The following RARB variants were observed in gnomAD, a reference collection of about 807,000 sequenced individuals.
RARB encodes the protein HBV-activated protein.
Under a neutral mutation model 51.9 loss-of-function variants are expected in RARB, and 17 were observed. The observed-to-expected ratio is 0.33, with a 90% CI of 0.22 to 0.49. RARB has a LOEUF of 0.49. Ranked by LOEUF, RARB falls within the 20% of genes least tolerant of loss-of-function variation. The probability of loss-of-function intolerance (pLI) is 0.99; values close to 1 mark genes in which losing one functional copy is unlikely to be tolerated. For synonymous variants in RARB, 215 were observed against 195.4 expected (o/e 1.10, Z -0.84); for missense variants, 369 against 550.8 (o/e 0.67, Z 3.30).
At chr3:25,229,105 A>C (rs1272331560) in intron 5 of RARB, among the ~76,000 whole-genome samples, 1 of 152,096 alleles carries the variant, frequency 6.6e-6, no homozygotes, top group Non-Finnish European at 1.5e-5. Flanking sequence ...AAAGATCTAT[A>C]TCCTGCCAGA....
chr3:25,593,165 CT>C lies in RARB; in HGVS notation c.787-325del, dbSNP rs200612408. Among the ~76,000 whole-genome samples, 1,029 of 144,520 alleles carry C rather than the reference CT, an allele frequency of 7.1e-3. 1 individual carries two copies. The highest frequency in any genetic ancestry group is 0.018 in the Middle Eastern group (5 of 280). The allele number at this position is 144,520 out of a possible 152,430, so 94.8% of individuals were successfully genotyped here. A position where few individuals can be genotyped will look rare whatever the true frequency, so the allele number is the denominator to read the frequency against. On this transcript the variant is annotated intron_variant, in intron 5 of 7. Coordinates refer to ENST00000330688, the MANE Select transcript of RARB (RefSeq NM_000965.5). ...TCTTAAAAAATAGAATCTTATTCAT[CT>C]TTTTTTTTTTTTATCTCCAGCACCT...
chr3:24,984,959 T>G (rs1696755718), intron 2 of RARB, among the ~76,000 whole-genome samples: 1 of 152,206 alleles, frequency 6.6e-6, no homozygotes, highest in Non-Finnish European at 1.5e-5. Context: ...CACTTCTCCC[T>G]CCTGAAGCTC....
intron 4 of RARB, among the ~76,000 whole-genome samples, chr3:25,142,781 C>A (rs759250759): frequency 6.6e-6 from 1 of 152,064 alleles, no homozygotes; most frequent in Non-Finnish European, 1.5e-5. Flanking sequence ...GGGCTGCAAT[C>A]TATAGCTGGC....
chr3:25,111,172 T>C (rs1699595032), intron 3 of RARB, among the ~76,000 whole-genome samples: 1 of 152,226 alleles, frequency 6.6e-6, no homozygotes, highest in Non-Finnish European at 1.5e-5. Flanking sequence ...TAATCAATCC[T>C]AATACTATTT....
intron 5 of RARB, among the ~76,000 whole-genome samples, chr3:25,184,729 A>T (rs889154347): frequency 2.0e-5 from 3 of 152,106 alleles, no homozygotes; most frequent in Admixed American, 6.5e-5. Context: ...TAACAGTGTT[A>T]CAAGAGTAAA....
intron 4 of RARB, among the ~76,000 whole-genome samples, chr3:25,151,521 T>C (rs1700286126): frequency 1.3e-5 from 2 of 152,206 alleles, no homozygotes; most frequent in African/African-American, 4.8e-5. Flanking sequence ...CTTTGATGCA[T>C]AAGGGTACAC....
At chr3:24,854,401 T>C (rs1702606571) in intron 1 of RARB, among the ~76,000 whole-genome samples, 1 of 152,236 alleles carries the variant, frequency 6.6e-6, no homozygotes. Context: ...GTGACTATAC[T>C]GTACCACATT....
intron 3 of RARB, among the ~76,000 whole-genome samples, chr3:25,114,579 G>T (rs1040672803): frequency 6.6e-6 from 1 of 152,122 alleles, no homozygotes; most frequent in Non-Finnish European, 1.5e-5. Context: ...GTAAAATCGG[G>T]ATCCAGCATA....
intron 3 of RARB, among the ~76,000 whole-genome samples, chr3:25,119,667 A>AC (rs1559473313): frequency 2.6e-5 from 4 of 151,790 alleles, no homozygotes; most frequent in Admixed American, 1.3e-4. Context: ...AACAAAAAAA[A>AC]AACAACAACA....
chr3:25,073,022 T>G (rs1050535160), intron 3 of RARB, among the ~76,000 whole-genome samples: 5 of 152,100 alleles, frequency 3.3e-5, no homozygotes, highest in African/African-American at 9.7e-5. Context: ...TACACTGACC[T>G]TTTTTTCCTG....
At chr3:25,193,445 A>C (rs1222532042) in intron 5 of RARB, among the ~76,000 whole-genome samples, 6 of 152,060 alleles carry the variant, frequency 3.9e-5, no homozygotes, top group African/African-American at 1.4e-4. Context: ...TTCAGAAATC[A>C]ATTATCTGAG....
rs1695173146 is a variant in RARB at position 25,461,400 on chromosome 3, T to A, written c.306+59T>A. On this transcript the variant is annotated intron_variant, in intron 2 of 7. Transcript: ENST00000330688. ...TCATTCTCCATGTACTTTATGGAGG[T>A]GACCTACCCAGTTCCAAAAATGGGC... is the stretch of plus-strand genomic sequence containing the variant. 2.6e-6 allele frequency: 4 copies of A among 1,558,176 alleles called. No individual in the cohort carries two copies. The Admixed American group carries it at 5.6e-5, about 22-fold the overall frequency.
intron 1 of RARB, among the ~76,000 whole-genome samples, chr3:24,839,029 G>A (rs1702381877): frequency 6.6e-6 from 1 of 151,730 alleles, no homozygotes; most frequent in Admixed American, 6.6e-5. Context: ...CTGCCGGTTA[G>A]CAATTTATGG....
chr3:25,491,440 A>G (rs1027457109), intron 2 of RARB, among the ~76,000 whole-genome samples: 1 of 152,148 alleles, frequency 6.6e-6, no homozygotes, highest in Non-Finnish European at 1.5e-5. Flanking sequence ...ACAGTGAACT[A>G]CTTAATTCTG....
chr3:25,390,526 G>A (rs545312943), intron 5 of RARB, among the ~76,000 whole-genome samples: 7 of 152,088 alleles, frequency 4.6e-5, no homozygotes, highest in African/African-American at 1.7e-4. Context: ...ACAGCCTGTG[G>A]GATATAAAAA....
intron 2 of RARB, among the ~76,000 whole-genome samples, chr3:25,500,473 T>TTTTTTTTTTTTTTTTG (rs1697255878): frequency 7.7e-6 from 1 of 129,736 alleles, no homozygotes. Context: ...TTTTTTTTTT[T>TTTTTTTTTTTTTTTTG]TTTTTTTTGG....
intron 1 of RARB, among the ~76,000 whole-genome samples, chr3:25,458,041 T>C (rs922852765): frequency 6.6e-6 from 1 of 151,690 alleles, no homozygotes; most frequent in African/African-American, 2.4e-5. Context: ...TACGTTGATA[T>C]CAGGGAGTGT....
At chr3:24,861,714 C>A (rs369152439) in intron 2 of RARB, among the ~76,000 whole-genome samples, 1 of 152,028 alleles carries the variant, frequency 6.6e-6, no homozygotes. Flanking sequence ...GTTGGGTTCA[C>A]GTATCTGCTT....
At chr3:25,276,605 G>C (rs1043424816) in intron 5 of RARB, among the ~76,000 whole-genome samples, 1 of 152,250 alleles carries the variant, frequency 6.6e-6, no homozygotes, top group East Asian at 1.9e-4. Context: ...TAAAAGTTTT[G>C]AAAGAAAGAA....
Sources: allele counts gnomAD v4.1 joint callset (sites outside exome capture counted in the v4.1 genomes callset), GRCh38; gene constraint gnomAD v4.1.1; transcripts MANE v1.5; gene names NCBI Gene and HGNC (gene_info 2026-07-23, HGNC 2026-07-21).